Variants in CHUK observed in about 807,000 individuals in gnomAD.
CHUK encodes the protein inhibitor of nuclear factor kappa-B kinase subunit alpha.
Under a neutral mutation model 104.8 loss-of-function variants are expected in CHUK, and 35 were observed. That is an observed-to-expected ratio of 0.33 (90% CI 0.26 to 0.44). The LOEUF is 0.44. Among genes scored for constraint, CHUK ranks in the 20% least tolerant of loss-of-function variants. The pLI is 1.00. For missense variants in CHUK, 663 were observed against 902.7 expected, an observed-to-expected ratio of 0.73 and a Z score of 3.40; for synonymous variants, 276 against 291.9, an observed-to-expected ratio of 0.95 and a Z score of 0.56.
At chr10:100,217,868 C>T in intron 9 of CHUK, 127 bp downstream of exon 9, 1 of 1,030,872 alleles carries the variant, frequency 9.7e-7, no homozygotes, top group Non-Finnish European at 1.5e-6. Flanking sequence ...CAGAGTGAGA[C>T]CCTGTCTCAA....
Position 100,193,595 on chromosome 10 carries a change from C to A in CHUK, c.1975-164G>T, listed in dbSNP as rs1409684342. 4 of 805,670 alleles carry A rather than the reference C, an allele frequency of 5.0e-6. 1 individual carries two copies. Among genetic ancestry groups the A allele is most frequent in the Non-Finnish European group, 4.1e-6 (2 of 490,244 alleles). 49.9% of individuals were successfully genotyped at this position (805,670 alleles called of 1,614,324 possible). ...TCCCACCTTTACACACCATTAGTAACCTGTCCTTGGACCCTTTCTTCATTG... is the reference window on the plus strand; with the variant it reads ...TCCCACCTTTACACACCATTAGTAAACTGTCCTTGGACCCTTTCTTCATTG... On this transcript the variant is annotated intron_variant, in intron 18 of 20. Transcript: ENST00000370397.
rs144466095 is a variant in CHUK, at chr10:100,200,332, C to G, written c.1680-312G>C. Among the ~76,000 whole-genome samples, 1,184 of 152,166 alleles carry G rather than the reference C, an allele frequency of 7.8e-3. 30 individuals carry two copies. Among genetic ancestry groups the G allele is most frequent in the Non-Finnish European group, 8.0e-3 (544 of 67,994 alleles). On this transcript the variant is annotated intron_variant, in intron 15 of 20. Transcript: ENST00000370397. ...AAGTTTTTAATCCAGAACTTTAATTCAGAAAAAATTTCAAGTTTTAGGGCA... is the reference window on the plus strand; with the variant it reads ...AAGTTTTTAATCCAGAACTTTAATTGAGAAAAAATTTCAAGTTTTAGGGCA...
intron 14 of CHUK, among the ~76,000 whole-genome samples, chr10:100,201,582 T>TGG (rs2134217169): frequency 6.6e-6 from 1 of 152,310 alleles, no homozygotes; most frequent in Admixed American, 6.5e-5. Context: ...TAGCTGGATG[T>TGG]GGTGGCTCAT....
At chr10:100,206,173 T>C (rs1407175918) in intron 11 of CHUK, among the ~76,000 whole-genome samples, 1 of 152,096 alleles carries the variant, frequency 6.6e-6, no homozygotes, top group East Asian at 1.9e-4. Flanking sequence ...GTGAATAAAG[T>C]ATGGGCTTCA....
At chr10:100,193,902 A>C in intron 18 of CHUK, 82 bp downstream of exon 18, 1 of 1,274,468 alleles carries the variant, frequency 7.8e-7, no homozygotes, top group Non-Finnish European at 1.1e-6. Context: ...AAGAGGGCCC[A>C]CCTCATGCTG....
intron 8 of CHUK, among the ~76,000 whole-genome samples, chr10:100,218,491 C>A (rs1564839723): frequency 6.6e-6 from 1 of 152,166 alleles, no homozygotes; most frequent in Non-Finnish European, 1.5e-5. Context: ...GCCACTAGTC[C>A]CAAGTGGCTA....
intron 2 of CHUK, among the ~76,000 whole-genome samples, chr10:100,224,977 G>C (rs938176606): frequency 1.3e-5 from 2 of 151,592 alleles, no homozygotes; most frequent in Non-Finnish European, 2.9e-5. Flanking sequence ...AGCCTCCCAA[G>C]TAACTGGGAC....
chr10:100,208,268 C>T (rs950584143), intron 10 of CHUK, among the ~76,000 whole-genome samples: 1 of 152,194 alleles, frequency 6.6e-6, no homozygotes, highest in East Asian at 1.9e-4. Flanking sequence ...CACCAAACCC[C>T]GCTAATTTTT....
intron 19 of CHUK, chr10:100,192,902 T>C (rs1182363136): frequency 8.1e-6 from 2 of 246,190 alleles, no homozygotes; most frequent in Non-Finnish European, 1.4e-5. Flanking sequence ...TGCAAAATGA[T>C]AGCATAATTT....
intron 5 of CHUK, among the ~76,000 whole-genome samples, chr10:100,219,623 G>A (rs1207176639): frequency 2.0e-5 from 3 of 152,110 alleles, no homozygotes; most frequent in Non-Finnish European, 4.4e-5. Flanking sequence ...AATAACGAAA[G>A]TAAAGAAGGT....
rs17883037 is a variant in CHUK at position 100,224,416 on chromosome 10, C to T, written c.201-1436G>A. Among the ~76,000 whole-genome samples the T allele has an allele frequency of 8.1e-3, 1,226 of 152,166 alleles. 21 individuals carry two copies. Among genetic ancestry groups the T allele is most frequent in the African/African-American group, 0.027 (1,116 of 41,516 alleles). Reference sequence around the variant, plus strand: ...GATACTAAATGTTTGCTATTTTAAGCCACTAAATGTTGGGGTAATTTATTT... The same window carrying T: ...GATACTAAATGTTTGCTATTTTAAGTCACTAAATGTTGGGGTAATTTATTT... On this transcript the variant is annotated intron_variant, in intron 2 of 20. Transcript: ENST00000370397.
At chr10:100,224,002 CAG>C (rs1003903327) in intron 2 of CHUK, among the ~76,000 whole-genome samples, 46 of 152,148 alleles carry the variant, frequency 3.0e-4, no homozygotes, top group African/African-American at 1.1e-3. Context: ...CTGTAACAAA[CAG>C]AATGTGGTGG....
At chr10:100,202,996 G>A (rs989091312) in intron 13 of CHUK, among the ~76,000 whole-genome samples, 5 of 152,016 alleles carry the variant, frequency 3.3e-5, no homozygotes, top group Non-Finnish European at 7.4e-5. Context: ...TGAGCTCAAG[G>A]GATCCACCTG....
At chr10:100,197,805 T>G (rs1364027029) in intron 16 of CHUK, among the ~76,000 whole-genome samples, 1 of 152,128 alleles carries the variant, frequency 6.6e-6, no homozygotes, top group Non-Finnish European at 1.5e-5. Flanking sequence ...GAAGGATCAC[T>G]TGAACCCAGG....
chr10:100,195,891 C>A (rs1476851766), intron 16 of CHUK: 1 of 152,190 alleles, frequency 6.6e-6, no homozygotes, highest in African/African-American at 2.4e-5. Context: ...TAAACAAATG[C>A]TATCACTGTG....
Position 100,210,884 on chromosome 10 carries a change from C to T in CHUK, c.934-1095G>A, listed in dbSNP as rs190962293. Among the ~76,000 whole-genome samples, 7 of 152,170 alleles carry T rather than the reference C, an allele frequency of 4.6e-5. No homozygotes were observed. The East Asian group carries it at 1.2e-3, about 25-fold the overall frequency. Reference sequence around the variant, plus strand: ...GGGGCTCTGTCCCCACCTGTCAGCGCGGACAGCCACAGAGTTGGACTTCAG... The same window carrying T: ...GGGGCTCTGTCCCCACCTGTCAGCGTGGACAGCCACAGAGTTGGACTTCAG... On this transcript the variant is annotated intron_variant, in intron 9 of 20. Transcript: ENST00000370397.
At position 100,210,340 on chromosome 10, in the gene CHUK, G is replaced by A. The variant is rs376913485; in HGVS notation, c.934-551C>T. On this transcript the variant is annotated intron_variant, in intron 9 of 20. Coordinates refer to ENST00000370397, the MANE Select transcript of CHUK (RefSeq NM_001278.5). Reference sequence around the variant, plus strand: ...CTGACCTCGTGATCCGCCCGCCTCGGCCTCCCAAAGTGCTGGGATTACAGG... The same window carrying A: ...CTGACCTCGTGATCCGCCCGCCTCGACCTCCCAAAGTGCTGGGATTACAGG... Among the ~76,000 whole-genome samples the A allele has an allele frequency of 1.5e-4, 23 of 152,022 alleles. 1 individual carries two copies. The South Asian group carries it at 4.6e-3, about 30-fold the overall frequency.
At position 100,204,603 on chromosome 10, in the gene CHUK, G is replaced by A; in HGVS notation, c.1410C>T (p.Ile470=). The stretch of plus-strand genomic sequence containing the variant: ...TAGCTTTCAGTTGTTGTGATGCTGA[G>A]ATCAAAGTGTTCTTCATTTTTGTTA... ...ANLTKMKNTL[I]SASQQLKAKL... is the part of the protein sequence containing the mutation. Residue 470 remains isoleucine, a synonymous_variant, in exon 13 of 21, where the codon ATC becomes ATT. Coordinates refer to ENST00000370397, the MANE Select transcript of CHUK (RefSeq NM_001278.5). 1.2e-6 allele frequency: 2 copies of A among 1,612,738 alleles called. No homozygotes were observed. Among genetic ancestry groups the A allele is most frequent in the East Asian group, 4.5e-5 (2 of 44,850 alleles).
At chr10:100,194,723 T>C in intron 16 of CHUK, 1 of 432,228 alleles carries the variant, frequency 2.3e-6, no homozygotes, top group Non-Finnish European at 4.2e-6. Flanking sequence ...AAATAAAGTT[T>C]GCAGGTGTAT....
Sources: gnomAD v4.1 joint callset for allele counts (sites outside exome capture counted in the v4.1 genomes callset) on GRCh38, gnomAD v4.1.1 for gene constraint, MANE v1.5 for transcripts, NCBI Gene and HGNC (gene_info 2026-07-23, HGNC 2026-07-21) for gene names.